Variants in MAGEC3 observed in about 807,000 individuals in gnomAD.
The protein encoded by MAGEC3 is MAGE family member C3, also known as melanoma-associated antigen C3.
Under a neutral mutation model 35.3 loss-of-function variants are expected in MAGEC3, and 34 were observed. That is an observed-to-expected ratio of 0.96 (90% CI 0.73 to 1.28). The LOEUF (loss-of-function observed/expected upper bound fraction) is 1.28, where lower values mean the gene tolerates loss of function less well. MAGEC3 is among the 50% of genes most tolerant of loss of function. MAGEC3 has a pLI of 0.00. For synonymous variants in MAGEC3, 202 were observed against 185.6 expected (o/e 1.09, Z -0.72); for missense variants, 561 against 483.6 (o/e 1.16, Z -1.50).
intron 1 of MAGEC3, among the ~76,000 whole-genome samples, chrX:141,865,226 G>A (rs1381009611): frequency 9.0e-6 from 1 of 110,627 alleles, no homozygotes; most frequent in Non-Finnish European, 1.9e-5. Context: ...AATTATTGAG[G>A]ATGTCTGATA....
chrX:141,850,621 A>C (rs2017745537), intron 1 of MAGEC3, among the ~76,000 whole-genome samples: 1 of 111,356 alleles, frequency 9.0e-6, no homozygotes, highest in East Asian at 2.9e-4. Context: ...TAATTTAAGT[A>C]TTAATCTCTT....
At chrX:141,882,183 G>A (rs2017971369) in intron 4 of MAGEC3, among the ~76,000 whole-genome samples, 1 of 111,600 alleles carries the variant, frequency 9.0e-6, no homozygotes. Context: ...GTTTGAAGAG[G>A]GCAGTCAGGG....
In MAGEC3 at chrX:141,878,744, C is replaced by T. The variant is rs745592779; in HGVS notation, c.259-431C>T. ...AGGCCCTGTTTTCACCCCTGGGAGG[C>T]CTTGGGCAGGGCCCTCAGTCAGAGA... On this transcript the variant is annotated intron_variant, in intron 2 of 7. Coordinates refer to ENST00000298296, the MANE Select transcript of MAGEC3 (RefSeq NM_138702.1). Among the ~76,000 whole-genome samples the T allele has an allele frequency of 2.2e-3, 246 of 112,086 alleles. 1 individual carries two copies. Among genetic ancestry groups the T allele is most frequent in the African/African-American group, 7.6e-3 (235 of 30,916 alleles).
At chrX:141,840,622 G>C (rs761999392) in intron 1 of MAGEC3, among the ~76,000 whole-genome samples, 30 of 111,293 alleles carry the variant, frequency 2.7e-4, no homozygotes, top group Non-Finnish European at 1.1e-4. Context: ...ATGGGAGAGA[G>C]TGCCTCTCCT....
At chrX:141,895,723 G>T (rs1328374053) in intron 6 of MAGEC3, among the ~76,000 whole-genome samples, 164 bp downstream of exon 6, 30 of 106,490 alleles carry the variant, frequency 2.8e-4, no homozygotes, top group African/African-American at 9.3e-4. Flanking sequence ...ATTGCTGGGG[G>T]AGGGGTGGAG....
intron 1 of MAGEC3, among the ~76,000 whole-genome samples, chrX:141,847,373 A>G (rs2124083941): frequency 9.0e-6 from 1 of 111,342 alleles, no homozygotes; most frequent in African/African-American, 3.2e-5. Flanking sequence ...AACCATCCCA[A>G]CATAGCACCT....
At chrX:141,879,607 T>C (rs1306146109) in intron 3 of MAGEC3, among the ~76,000 whole-genome samples, 176 bp downstream of exon 3, 4 of 108,341 alleles carry the variant, frequency 3.7e-5, no homozygotes, top group Non-Finnish European at 7.7e-5. Flanking sequence ...CAGGAAAGTG[T>C]GGGAAAGAGG....
intron 1 of MAGEC3, among the ~76,000 whole-genome samples, chrX:141,842,418 C>T (rs1027206084): frequency 1.8e-5 from 2 of 111,403 alleles, no homozygotes; most frequent in Non-Finnish European, 1.9e-5. Context: ...AGCCTTTTAA[C>T]TATCGTATAT....
At chrX:141,860,146 A>G (rs1484852424) in intron 1 of MAGEC3, among the ~76,000 whole-genome samples, 1 of 108,552 alleles carries the variant, frequency 9.2e-6, no homozygotes, top group African/African-American at 3.4e-5. Context: ...AGATGAGCCT[A>G]GCAGAGAGCT....
intron 1 of MAGEC3, among the ~76,000 whole-genome samples, chrX:141,842,070 T>C (rs1419479615): frequency 1.8e-5 from 2 of 112,006 alleles, no homozygotes; most frequent in African/African-American, 6.5e-5. Context: ...CTTAATAGTA[T>C]GAACTGTAGT....
At chrX:141,869,688 G>A (rs1384301377) in intron 2 of MAGEC3, among the ~76,000 whole-genome samples, 1 of 111,877 alleles carries the variant, frequency 8.9e-6, no homozygotes, top group African/African-American at 3.2e-5. Context: ...ATGTTTTGAA[G>A]AGAATTAAAA....
chrX:141,895,335 C>T lies in MAGEC3; in HGVS notation c.976C>T (p.Pro326Ser). The T allele has an allele frequency of 2.5e-6, 3 of 1,210,625 alleles. No individual in the cohort carries two copies. Among genetic ancestry groups the T allele is most frequent in the Non-Finnish European group, 3.4e-6 (3 of 895,144 alleles). ...SRLALWESEG[P>S]EAFCEESGLR... The stretch of plus-strand genomic sequence containing the variant: ...ACTTGCACTGTGGGAGTCTGAAGGA[C>T]CTGAAGCATTTTGCGAGGAGTCTGG... The change falls in exon 5 of 8, where the codon CCT (proline) becomes TCT (serine). Residue 326 changes from proline to serine, a missense_variant. Coordinates refer to ENST00000298296, the MANE Select transcript of MAGEC3 (RefSeq NM_138702.1).
intron 1 of MAGEC3, among the ~76,000 whole-genome samples, chrX:141,846,008 A>G (rs1052521770): frequency 1.6e-4 from 18 of 110,882 alleles, no homozygotes; most frequent in African/African-American, 5.9e-4. Context: ...TCATATATTG[A>G]AAATGTATTA....
At chrX:141,864,364 A>C (rs2017834977) in intron 1 of MAGEC3, among the ~76,000 whole-genome samples, 1 of 105,341 alleles carries the variant, frequency 9.5e-6, no homozygotes, top group Admixed American at 1.1e-4. Context: ...ATAAAAATGA[A>C]TGTACAGGTT....
At chrX:141,856,955 A>T (rs780660189) in intron 1 of MAGEC3, among the ~76,000 whole-genome samples, 7 of 111,870 alleles carry the variant, frequency 6.3e-5, no homozygotes, top group Non-Finnish European at 1.3e-4. Flanking sequence ...ACTTCAGTGG[A>T]TCTGTCCAGC....
intron 1 of MAGEC3, among the ~76,000 whole-genome samples, chrX:141,864,741 T>G (rs2017837568): frequency 9.0e-6 from 1 of 111,363 alleles, no homozygotes; most frequent in Non-Finnish European, 1.9e-5. Context: ...AGTTTACCCA[T>G]GTAACAAACC....
Position 141,881,523 on chromosome X carries a change from G to A in MAGEC3, c.636G>A (p.Met212Ile), listed in dbSNP as rs760477172. The A allele has an allele frequency of 5.0e-6, 6 of 1,209,977 alleles. No homozygotes were observed. Among genetic ancestry groups the A allele is most frequent in the Non-Finnish European group, 6.7e-6 (6 of 895,229 alleles). ...CTCTCACAAGAGCAGAGATGCAGAT[G>A]AATGTCATCAACACATACACGGGCT... ...KEPLTRAEMQ[M>I]NVINTYTGYF... Residue 212 changes from methionine (M) to isoleucine (I), a missense_variant, in exon 4 of 8, where the codon ATG (methionine) becomes ATA (isoleucine). By Grantham distance (10) the Met-to-Ile change is conservative (BLOSUM62 1). Coordinates refer to ENST00000298296, the MANE Select transcript of MAGEC3 (RefSeq NM_138702.1).
intron 7 of MAGEC3, 48 bp downstream of exon 7, chrX:141,897,534 G>A: frequency 1.7e-6 from 2 of 1,196,918 alleles, no homozygotes; most frequent in African/African-American, 1.7e-5. Context: ...CCAGAAAGCT[G>A]CTCACTATAC....
chrX:141,884,340 C>G (rs2017987001), intron 4 of MAGEC3, among the ~76,000 whole-genome samples: 1 of 111,934 alleles, frequency 8.9e-6, no homozygotes, highest in African/African-American at 3.2e-5. Context: ...TGGATGCTTC[C>G]TGCCCTCTAA....
Sources: gnomAD v4.1 joint callset for allele counts (sites outside exome capture counted in the v4.1 genomes callset) on GRCh38, gnomAD v4.1.1 for gene constraint, MANE v1.5 for transcripts, NCBI Gene and HGNC (gene_info 2026-07-23, HGNC 2026-07-21) for gene names.